Variants in TBXA2R observed in about 807,000 individuals in gnomAD.
The protein encoded by TBXA2R is thromboxane A2 receptor, also known as prostanoid TP receptor.
In TBXA2R, 15 loss-of-function variants were observed where a neutral mutation model predicts 15.6. The ratio of observed to expected loss-of-function variants is 0.96; its 90% CI spans 0.64 to 1.48. The LOEUF is 1.48. Among genes scored for constraint, TBXA2R ranks in the 40% most tolerant of loss-of-function variants. TBXA2R has a pLI of 0.00. For missense variants in TBXA2R, 506 were observed against 491.4 expected (o/e 1.03, Z -0.28); for synonymous variants, 280 against 241.2 (o/e 1.16, Z -1.49).
In TBXA2R at chr19:3,595,051, G is replaced by C; in HGVS notation, c.*637C>G. ...GCCGAGATCGTGCCACTGTACTCCA[G>C]GCTGGGCCACAGAGTGAGACTCCGT... On this transcript the variant is annotated 3_prime_UTR_variant, in exon 3 of 3. Coordinates refer to ENST00000375190, the MANE Select transcript of TBXA2R (RefSeq NM_001060.6). 1 of 983,086 alleles carries C rather than the reference G, an allele frequency of 1.0e-6. No individual in the cohort carries two copies. 60.9% of individuals were successfully genotyped at this position (983,086 alleles called of 1,614,324 possible). A position where few individuals can be genotyped will look rare whatever the true frequency, so the allele number is the denominator to read the frequency against.
intron 1 of TBXA2R, 115 bp from the exon 2 acceptor site, chr19:3,600,832 T>TG (rs1404625238): frequency 1.6e-5 from 10 of 609,762 alleles, no homozygotes; most frequent in East Asian, 2.8e-5. Flanking sequence ...TCCGGTTTTT[T>TG]TTTTTTTTTT....
chr19:3,600,622 C>G lies in TBXA2R; in HGVS notation c.13G>C (p.Gly5Arg), dbSNP rs1325020933. The change falls in exon 2 of 3, where the codon GGC (glycine) becomes CGC (arginine). Residue 5 changes from glycine to arginine, a missense_variant. By Grantham distance (125) the Gly-to-Arg change is moderately radical (BLOSUM62 -2). Transcript: ENST00000375190. MWPNGSSLGPCFRPT... is the reference protein window; with the variant it reads MWPNRSSLGPCFRPT... ...CGGAAACAGGGCCCCAGGGAACTGC[C>G]GTTGGGCCACATGGCTCCGGAGCCC... 5 of 1,612,440 alleles carry G rather than the reference C, an allele frequency of 3.1e-6. No homozygotes were observed. In the African/African-American group the frequency reaches 5.3e-5, roughly 17 times the overall value.
At chr19:3,597,922 A>C (rs2032634104) in intron 2 of TBXA2R, 1 of 152,296 alleles carries the variant, frequency 6.6e-6, no homozygotes, top group African/African-American at 2.4e-5. Flanking sequence ...CAACAGTGCG[A>C]GACTCCATCT....
chr19:3,602,144 C>G (rs934690571), intron 1 of TBXA2R, among the ~76,000 whole-genome samples: 5 of 151,940 alleles, frequency 3.3e-5, no homozygotes, highest in African/African-American at 1.2e-4. Context: ...TAGCGTGAAC[C>G]TGGGAGGAGG....
rs1340514187 is a variant in TBXA2R, at chr19:3,600,468, C to A, written c.167G>T (p.Gly56Val). 3 of 1,612,582 alleles carry A rather than the reference C, an allele frequency of 1.9e-6. No homozygotes were observed. Among genetic ancestry groups the A allele is most frequent in the East Asian group, 2.2e-5 (1 of 44,876 alleles). Reference protein sequence around the residue: ...LSVLAGARQGGSHTRSSFLTF... With the variant: ...LSVLAGARQGVSHTRSSFLTF... ...GAGGAAGGAGGAGCGCGTGTGCGAA[C>A]CCCCCTGCCGCGCGCCCGCCAGCAC... Residue 56 changes from glycine to valine, a missense_variant, in exon 2 of 3, where the codon GGT becomes GTT. Transcript: ENST00000375190.
Position 3,600,532 on chromosome 19 carries a change from A to G in TBXA2R, c.103T>C (p.Cys35Arg). Residue 35 changes from cysteine (C) to arginine (R), a missense_variant, in exon 2 of 3, where the codon TGC becomes CGC. By Grantham distance (180) the Cys-to-Arg change is radical. Coordinates refer to ENST00000375190, the MANE Select transcript of TBXA2R (RefSeq NM_001060.6). ...IASPWFAASF[C>R]VVGLASNLLA... ...AGGTTGGAGGCCAGGCCCACCACGCAGAAGGAGGCGGCGAACCAGGGCGAG... is the reference window on the plus strand; with the variant it reads ...AGGTTGGAGGCCAGGCCCACCACGCGGAAGGAGGCGGCGAACCAGGGCGAG... 6.2e-7 allele frequency: 1 copy of G among 1,612,048 alleles called. No individual in the cohort carries two copies. Among genetic ancestry groups the G allele is most frequent in the Non-Finnish European group, 8.5e-7 (1 of 1,179,058 alleles).
chr19:3,600,826 G>GGT (rs764359307), intron 1 of TBXA2R, 109 bp from the exon 2 acceptor site: 1 of 344,974 alleles, frequency 2.9e-6, no homozygotes, highest in Non-Finnish European at 5.2e-6. Context: ...ATCCTCTCCG[G>GGT]TTTTTTTTTT....
chr19:3,597,989 A>T (rs2032635151), intron 2 of TBXA2R: 1 of 152,256 alleles, frequency 6.6e-6, no homozygotes, highest in Non-Finnish European at 1.5e-5. Flanking sequence ...TAGGTCCTGT[A>T]GGCTGAATGA....
chr19:3,598,806 C>T (rs1002955408), intron 2 of TBXA2R, among the ~76,000 whole-genome samples: 24 of 152,026 alleles, frequency 1.6e-4, no homozygotes, highest in Admixed American at 4.6e-4. Flanking sequence ...GTAGCTGGGA[C>T]TACAGGCGTG....
Position 3,600,424 on chromosome 19 carries a change from C to T in TBXA2R, c.211G>A (p.Val71Ile), listed in dbSNP as rs368237865. 43 of 1,613,140 alleles carry T rather than the reference C, an allele frequency of 2.7e-5. No individual in the cohort carries two copies. Among genetic ancestry groups the T allele is most frequent in the Non-Finnish European group, 3.4e-5 (40 of 1,179,734 alleles). Reference sequence around the variant, plus strand: ...AGCAGCCCCAGGAAGTCGGTGAGGACGAGGCCGCAGAGGAAGGTGAGGAAG... The same window carrying T: ...AGCAGCCCCAGGAAGTCGGTGAGGATGAGGCCGCAGAGGAAGGTGAGGAAG... ...SSFLTFLCGL[V>I]LTDFLGLLVT... The change falls in exon 2 of 3, where the codon GTC becomes ATC. Residue 71 changes from valine to isoleucine, a missense_variant. Transcript: ENST00000375190.
rs929957553 is a variant in TBXA2R at position 3,600,458 on chromosome 19, C to T, written c.177G>A (p.Thr59=). ...AGAGGAAGGTGAGGAAGGAGGAGCG[C>T]GTGTGCGAACCCCCCTGCCGCGCGC... ...LAGARQGGSH[T]RSSFLTFLCG... is the part of the protein sequence containing the mutation. Residue 59 remains threonine, a synonymous_variant, in exon 2 of 3, where the codon ACG becomes ACA. Coordinates refer to ENST00000375190, the MANE Select transcript of TBXA2R (RefSeq NM_001060.6). The T allele has an allele frequency of 8.1e-6, 13 of 1,612,690 alleles. No individual in the cohort carries two copies. Among genetic ancestry groups the T allele is most frequent in the Admixed American group, 5.0e-5 (3 of 59,968 alleles).
At chr19:3,605,965 A>C (rs12460250) in intron 1 of TBXA2R, among the ~76,000 whole-genome samples, 5 of 151,940 alleles carry the variant, frequency 3.3e-5, no homozygotes, top group Non-Finnish European at 7.4e-5. Flanking sequence ...CAGACAGAAA[A>C]ACACAGACAC....
At position 3,595,519 on chromosome 19, in the gene TBXA2R, G is replaced by C; in HGVS notation, c.*169C>G. The C allele has an allele frequency of 7.0e-7, 1 of 1,433,758 alleles. No individual in the cohort carries two copies. 88.8% of individuals were successfully genotyped at this position (1,433,758 alleles called of 1,614,324 possible). On this transcript the variant is annotated 3_prime_UTR_variant, in exon 3 of 3. Coordinates refer to ENST00000375190, the MANE Select transcript of TBXA2R (RefSeq NM_001060.6). ...GAGAGTGCTTGGTAAAAGGATCAGGGAGGAGTTGGGGGTCCCCGGGTTGGA... is the reference window on the plus strand; with the variant it reads ...GAGAGTGCTTGGTAAAAGGATCAGGCAGGAGTTGGGGGTCCCCGGGTTGGA...
intron 2 of TBXA2R, among the ~76,000 whole-genome samples, chr19:3,598,721 T>G (rs1254981293): frequency 6.6e-6 from 1 of 151,990 alleles, no homozygotes; most frequent in African/African-American, 2.4e-5. Flanking sequence ...CAGGCTGGAG[T>G]GCAGTGACGT....
rs566533248 is a variant in TBXA2R at position 3,604,134 on chromosome 19, A to ATCCCAAGAGGCTGAGGTCCTGCAAC, written c.-84+2371_-84+2395dup. 3.2e-3 allele frequency among the ~76,000 whole-genome samples: 494 copies of ATCCCAAGAGGCTGAGGTCCTGCAAC among 152,234 alleles called. 2 individuals carry two copies. Among genetic ancestry groups the ATCCCAAGAGGCTGAGGTCCTGCAAC allele is most frequent in the Non-Finnish European group, 5.9e-3 (404 of 67,976 alleles). On this transcript the variant is annotated intron_variant, in intron 1 of 2. Coordinates refer to ENST00000375190, the MANE Select transcript of TBXA2R (RefSeq NM_001060.6). ...ACGCAGAAGGCCTCACAATTCTAGAATCCCAAGAGGCTGAGGTCCTGCAAC... is the reference window on the plus strand; with the variant it reads ...ACGCAGAAGGCCTCACAATTCTAGAATCCCAAGAGGCTGAGGTCCTGCAACTCCCAAGAGGCTGAGGTCCTGCAAC...
rs1385606240 is a variant in TBXA2R, at chr19:3,595,475, A to C, written c.*213T>G. 1 of 1,419,702 alleles carries C rather than the reference A, an allele frequency of 7.0e-7. No homozygotes were observed. The highest frequency in any genetic ancestry group is 1.4e-5 in the African/African-American group (1 of 69,412). The allele number at this position is 1,419,702 out of a possible 1,614,324, so 87.9% of individuals were successfully genotyped here. On this transcript the variant is annotated 3_prime_UTR_variant, in exon 3 of 3. Transcript: ENST00000375190. ...AGAAGGGGTGGGAGCTCTGGATGGG[A>C]AAAAGGGGCCGAGGAAGGGAGAGTG...
At chr19:3,600,755 G>T in intron 1 of TBXA2R, 38 bp from the exon 2 acceptor site, 1 of 1,149,380 alleles carries the variant, frequency 8.7e-7, no homozygotes, top group South Asian at 1.3e-5. Flanking sequence ...GATTAATTCT[G>T]CATTTCAGTG....
Position 3,597,703 on chromosome 19 carries a change from C to T in TBXA2R, c.787-1770G>A, listed in dbSNP as rs371125393. On this transcript the variant is annotated intron_variant, in intron 2 of 2. Coordinates refer to ENST00000375190, the MANE Select transcript of TBXA2R (RefSeq NM_001060.6). ...CTCCCAGCACTTTGGGAGGCTGAAG[C>T]GGGCAGATCACGAGGTCAGGAGATT... 2.0e-4 allele frequency among the ~76,000 whole-genome samples: 31 copies of T among 152,026 alleles called. No homozygotes were observed. In the East Asian group the frequency reaches 4.1e-3, roughly 20 times the overall value.
intron 1 of TBXA2R, among the ~76,000 whole-genome samples, chr19:3,605,402 T>C (rs2032810979): frequency 6.6e-6 from 1 of 150,460 alleles, no homozygotes; most frequent in African/African-American, 2.5e-5. Flanking sequence ...GGCAGAAATG[T>C]GACAGACAGA....
Sources: allele counts gnomAD v4.1 joint callset (sites outside exome capture counted in the v4.1 genomes callset), GRCh38; gene constraint gnomAD v4.1.1; transcripts MANE v1.5; gene names NCBI Gene and HGNC (gene_info 2026-07-23, HGNC 2026-07-21).